Variants in CTNNBL1 observed in about 807,000 individuals in gnomAD.
CTNNBL1 encodes beta-catenin-like protein 1.
In CTNNBL1, 31 loss-of-function variants were observed where a neutral mutation model predicts 72.7. The observed-to-expected ratio is 0.43, with a 90% CI of 0.32 to 0.58. The LOEUF (loss-of-function observed/expected upper bound fraction) is 0.58, where lower values mean the gene tolerates loss of function less well. Among genes scored for constraint, CTNNBL1 ranks in the 20% least tolerant of loss-of-function variants. The probability of loss-of-function intolerance (pLI) is 0.08; values close to 1 mark genes in which losing one functional copy is unlikely to be tolerated. For missense variants in CTNNBL1, 534 were observed against 725.1 expected (o/e 0.74, Z 3.03); for synonymous variants, 240 against 267.3 (o/e 0.90, Z 1.00).
At chr20:37,784,756 T>C (rs1192471713) in intron 10 of CTNNBL1, among the ~76,000 whole-genome samples, 3 of 152,264 alleles carry the variant, frequency 2.0e-5, no homozygotes, top group Non-Finnish European at 4.4e-5. Context: ...CTGCTCAAGG[T>C]ATGTGTAGTT....
At chr20:37,807,622 A>G (rs1049989804) in intron 11 of CTNNBL1, among the ~76,000 whole-genome samples, 3 of 152,150 alleles carry the variant, frequency 2.0e-5, no homozygotes, top group Admixed American at 2.0e-4. Context: ...TAAAAGCAAA[A>G]CTGCCCTTAC....
chr20:37,862,907 G>C (rs56132947), intron 15 of CTNNBL1, among the ~76,000 whole-genome samples: 1 of 151,834 alleles, frequency 6.6e-6, no homozygotes, highest in East Asian at 1.9e-4. Flanking sequence ...CTTTCCATCC[G>C]AGCCCTTATC....
intron 5 of CTNNBL1, among the ~76,000 whole-genome samples, chr20:37,759,088 G>T (rs982107888): frequency 6.6e-6 from 1 of 152,300 alleles, no homozygotes; most frequent in East Asian, 1.9e-4. Context: ...ATTTATGACC[G>T]AATATAATGA....
chr20:37,713,288 C>T (rs1378736123), intron 1 of CTNNBL1, among the ~76,000 whole-genome samples: 1 of 152,160 alleles, frequency 6.6e-6, no homozygotes, highest in East Asian at 1.9e-4. Flanking sequence ...CCTCTTGGAG[C>T]CTGTCCCATA....
At chr20:37,751,436 A>G (rs1454910678) in intron 4 of CTNNBL1, 1 of 152,220 alleles carries the variant, frequency 6.6e-6, no homozygotes, top group African/African-American at 2.4e-5. Flanking sequence ...GGGAGTGGTC[A>G]TTAACACTGT....
intron 1 of CTNNBL1, 41 bp downstream of exon 1, chr20:37,694,193 T>C: frequency 6.5e-7 from 1 of 1,550,294 alleles, no homozygotes; most frequent in Non-Finnish European, 8.7e-7. Context: ...CGTTCTCACC[T>C]GGGCAGGGGT....
At chr20:37,754,636 C>A (rs778156513) in intron 4 of CTNNBL1, among the ~76,000 whole-genome samples, 1 of 151,940 alleles carries the variant, frequency 6.6e-6, no homozygotes, top group Non-Finnish European at 1.5e-5. Flanking sequence ...AATGATAGTT[C>A]TTTTCTCTGT....
chr20:37,721,762 A>T (rs1331110080), intron 1 of CTNNBL1, among the ~76,000 whole-genome samples: 1 of 152,194 alleles, frequency 6.6e-6, no homozygotes, highest in Admixed American at 6.5e-5. Flanking sequence ...CTATTTATGC[A>T]TGCATCCATG....
chr20:37,767,917 T>C, intron 6 of CTNNBL1, 36 bp from the exon 7 acceptor site: 1 of 1,564,992 alleles, frequency 6.4e-7, no homozygotes, highest in African/African-American at 1.4e-5. Context: ...GAAACAAAGT[T>C]GTCCTCCCAA....
intron 1 of CTNNBL1, among the ~76,000 whole-genome samples, chr20:37,722,733 G>A (rs1276390688): frequency 2.0e-5 from 3 of 152,148 alleles, no homozygotes; most frequent in Non-Finnish European, 4.4e-5. Context: ...ACTTATGCAA[G>A]GTCATGTGGC....
chr20:37,714,714 T>C (rs937418463), intron 1 of CTNNBL1, among the ~76,000 whole-genome samples: 2 of 152,238 alleles, frequency 1.3e-5, no homozygotes, highest in African/African-American at 2.4e-5. Flanking sequence ...AAATAAGAGG[T>C]TGTACAGAAC....
At chr20:37,836,002 C>T (rs952605629) in intron 11 of CTNNBL1, among the ~76,000 whole-genome samples, 1 of 152,130 alleles carries the variant, frequency 6.6e-6, no homozygotes, top group African/African-American at 2.4e-5. Context: ...TATAGATGCT[C>T]AATAAATATC....
At chr20:37,701,440 AAAG>A (rs1000161851) in intron 1 of CTNNBL1, among the ~76,000 whole-genome samples, 2 of 152,234 alleles carry the variant, frequency 1.3e-5, no homozygotes, top group Non-Finnish European at 2.9e-5. Context: ...CATGGACATT[AAAG>A]AAGAATTCAT....
At chr20:37,849,637 C>T (rs2072378348) in intron 13 of CTNNBL1, among the ~76,000 whole-genome samples, 1 of 152,218 alleles carries the variant, frequency 6.6e-6, no homozygotes, top group Admixed American at 6.5e-5. Context: ...CTGTCATATA[C>T]TAAGCATTCT....
Position 37,746,567 on chromosome 20 carries a change from T to C in CTNNBL1, c.426T>C (p.Ala142=), listed in dbSNP as rs2073265342. 2 of 1,614,052 alleles carry C rather than the reference T, an allele frequency of 1.2e-6. No individual in the cohort carries two copies. The highest frequency in any genetic ancestry group is 1.3e-5 in the African/African-American group (1 of 74,940). ...DLYHLLVELN[A]VQSLLGLLGH... Reference sequence around the variant, plus strand: ...ACCACCTTCTGGTGGAGCTGAATGCTGTACAGTCGCTTCTCGGCTTGCTCG... The same window carrying C: ...ACCACCTTCTGGTGGAGCTGAATGCCGTACAGTCGCTTCTCGGCTTGCTCG... The change falls in exon 4 of 16, where the codon GCT becomes GCC. Residue 142 remains alanine (A), a synonymous_variant. Transcript: ENST00000361383.
chr20:37,833,734 G>GC (rs2072231745), intron 11 of CTNNBL1, among the ~76,000 whole-genome samples: 1 of 152,174 alleles, frequency 6.6e-6, no homozygotes, highest in African/African-American at 2.4e-5. Flanking sequence ...TGACGGAGCA[G>GC]CTGAGCAGTG....
intron 11 of CTNNBL1, among the ~76,000 whole-genome samples, chr20:37,805,159 G>T (rs2071943654): frequency 6.6e-6 from 1 of 152,244 alleles, no homozygotes; most frequent in South Asian, 2.1e-4. Context: ...TGTCCTCTGG[G>T]TAAGACTGTG....
chr20:37,740,272 A>G (rs1169345591), intron 3 of CTNNBL1, among the ~76,000 whole-genome samples: 1 of 152,160 alleles, frequency 6.6e-6, no homozygotes, highest in Non-Finnish European at 1.5e-5. Context: ...TCACTGGTGC[A>G]GTGTCTTTCG....
chr20:37,771,216 G>C (rs556588527), intron 7 of CTNNBL1, among the ~76,000 whole-genome samples: 25 of 152,282 alleles, frequency 1.6e-4, no homozygotes, highest in African/African-American at 5.3e-4. Context: ...TTTGTATTAA[G>C]ATCACCAATG....
Sources: gnomAD v4.1 joint callset for allele counts (sites outside exome capture counted in the v4.1 genomes callset) on GRCh38, gnomAD v4.1.1 for gene constraint, MANE v1.5 for transcripts, NCBI Gene and HGNC (gene_info 2026-07-23, HGNC 2026-07-21) for gene names.